Variants in CIB4 observed in about 807,000 individuals in gnomAD.
The protein encoded by CIB4 is calcium and integrin binding family member 4.
In CIB4, 25 loss-of-function variants were observed where a neutral mutation model predicts 25.8. The observed-to-expected ratio is 0.97, with a 90% CI of 0.71 to 1.35. The LOEUF (loss-of-function observed/expected upper bound fraction) is 1.35, where lower values mean the gene tolerates loss of function less well. Ranked by LOEUF, CIB4 falls within the 40% of genes most tolerant of loss-of-function variation. The probability of loss-of-function intolerance (pLI) is 0.00; values close to 1 mark genes in which losing one functional copy is unlikely to be tolerated. For synonymous variants in CIB4, 75 were observed against 81.4 expected (o/e 0.92, Z 0.42); for missense variants, 235 against 228.2 (o/e 1.03, Z -0.19).
At position 26,613,728 on chromosome 2, in the gene CIB4, T is replaced by G. The variant is rs550887999; in HGVS notation, c.186+15682A>C. ...CCAGGAGACTTTAGGGTTTGCATCC[T>G]GGAGTTGTATCCGGTGCCTGGCACA... On this transcript the variant is annotated intron_variant, in intron 3 of 6. Transcript: ENST00000288861. Among the ~76,000 whole-genome samples, 5 of 152,352 alleles carry G rather than the reference T, an allele frequency of 3.3e-5. No individual in the cohort carries two copies. In the East Asian group the frequency reaches 9.6e-4, roughly 29 times the overall value.
At position 26,635,046 on chromosome 2, in the gene CIB4, G is replaced by A. The variant is rs1041817269; in HGVS notation, c.89+5487C>T. 2.0e-5 allele frequency among the ~76,000 whole-genome samples: 3 copies of A among 152,286 alleles called. No homozygotes were observed. In the South Asian group the frequency reaches 6.2e-4, roughly 31 times the overall value. On this transcript the variant is annotated intron_variant, in intron 2 of 6. Coordinates refer to ENST00000288861, the MANE Select transcript of CIB4 (RefSeq NM_001029881.3). ...GTCTGCACGGTCTGCAGTCACCGCCGGAAGGGCCTGGGCCCAGAAGAGGCA... is the reference window on the plus strand; with the variant it reads ...GTCTGCACGGTCTGCAGTCACCGCCAGAAGGGCCTGGGCCCAGAAGAGGCA...
In CIB4 at chr2:26,629,466, A is replaced by C. The variant is rs758747627; in HGVS notation, c.130T>G (p.Tyr44Asp). 2 of 1,581,182 alleles carry C rather than the reference A, an allele frequency of 1.3e-6. No individual in the cohort carries two copies. The highest frequency in any genetic ancestry group is 4.6e-5 in the East Asian group (2 of 43,862). Reference sequence around the variant, plus strand: ...ATGGTGAGCGTTGCCTCCTTGTAGTACTTCCCAGGAGGGCAGAGCTTCAGG... The same window carrying C: ...ATGGTGAGCGTTGCCTCCTTGTAGTCCTTCCCAGGAGGGCAGAGCTTCAGG... ...TFLKLCPPGKYYKEATLTMDQ... is the reference protein window; with the variant it reads ...TFLKLCPPGKDYKEATLTMDQ... Residue 44 changes from tyrosine to aspartate, a missense_variant, in exon 3 of 7, where the codon TAC becomes GAC. Coordinates refer to ENST00000288861, the MANE Select transcript of CIB4 (RefSeq NM_001029881.3).
chr2:26,636,992 T>C (rs1335194395), intron 2 of CIB4, among the ~76,000 whole-genome samples: 3 of 152,178 alleles, frequency 2.0e-5, no homozygotes, highest in Non-Finnish European at 4.4e-5. Context: ...CTGGTGTCCC[T>C]TAGCTTTCGA....
intron 3 of CIB4, among the ~76,000 whole-genome samples, chr2:26,595,681 CA>C (rs1306817734): frequency 1.3e-5 from 2 of 152,228 alleles, no homozygotes; most frequent in African/African-American, 2.4e-5. Context: ...GCAGAAATAA[CA>C]AGAAGTCCTG....
At chr2:26,585,619 T>C (rs1668436654) in intron 4 of CIB4, among the ~76,000 whole-genome samples, 1 of 152,136 alleles carries the variant, frequency 6.6e-6, no homozygotes, top group Non-Finnish European at 1.5e-5. Flanking sequence ...TGCAGTTCAC[T>C]GCATTTAATC....
At chr2:26,635,722 AC>A (rs1669520042) in intron 2 of CIB4, among the ~76,000 whole-genome samples, 4 of 152,096 alleles carry the variant, frequency 2.6e-5, no homozygotes, top group African/African-American at 9.7e-5. Context: ...GCCCACACCA[AC>A]CCTAACATAT....
At chr2:26,628,102 A>C (rs753899634) in intron 3 of CIB4, among the ~76,000 whole-genome samples, 3 of 152,212 alleles carry the variant, frequency 2.0e-5, no homozygotes, top group Non-Finnish European at 4.4e-5. Flanking sequence ...AAAAATAGAG[A>C]AGCCTGACGT....
chr2:26,608,239 C>A (rs1197574864), intron 3 of CIB4, among the ~76,000 whole-genome samples: 28 of 123,576 alleles, frequency 2.3e-4, no homozygotes, highest in African/African-American at 6.3e-4. Context: ...GACTCTGTCT[C>A]AAAAAAAAAA....
intron 2 of CIB4, among the ~76,000 whole-genome samples, chr2:26,633,507 CT>C (rs1236689576): frequency 1.3e-5 from 2 of 152,160 alleles, no homozygotes; most frequent in African/African-American, 2.4e-5. Context: ...AGTCACCCCC[CT>C]GGAAAGTCCT....
chr2:26,627,650 G>A lies in CIB4; in HGVS notation c.186+1760C>T, dbSNP rs1339477592. On this transcript the variant is annotated intron_variant, in intron 3 of 6. Coordinates refer to ENST00000288861, the MANE Select transcript of CIB4 (RefSeq NM_001029881.3). This position sits in a 1 kb window ranked among gnomAD's most constrained non-coding sequence, Gnocchi z 4.0. ...GGAAGTGGGGGGTGCCAGGAAGACC[G>A]CCTCCCCATTTTGTTTCTGTCACAG... Among the ~76,000 whole-genome samples, 2 of 152,124 alleles carry A rather than the reference G, an allele frequency of 1.3e-5. No individual in the cohort carries two copies. The highest frequency in any genetic ancestry group is 3.2e-3 in the Middle Eastern group (1 of 316).
chr2:26,635,302 C>T (rs924617718), intron 2 of CIB4, among the ~76,000 whole-genome samples: 1 of 152,144 alleles, frequency 6.6e-6, no homozygotes, highest in African/African-American at 2.4e-5. Context: ...CATGAGGTCT[C>T]CCCCCACCAG....
At chr2:26,582,497 G>A (rs1296238088) in intron 6 of CIB4, among the ~76,000 whole-genome samples, 2 of 152,216 alleles carry the variant, frequency 1.3e-5, no homozygotes, top group African/African-American at 4.8e-5. Flanking sequence ...GTTGGCCGCT[G>A]GAGGCAGTGG....
intron 3 of CIB4, among the ~76,000 whole-genome samples, chr2:26,628,030 C>T (rs930465086): frequency 3.5e-4 from 53 of 152,116 alleles, no homozygotes; most frequent in African/African-American, 1.0e-3. Flanking sequence ...CAAACAGAAA[C>T]GAAGATGGGC....
intron 3 of CIB4, among the ~76,000 whole-genome samples, chr2:26,625,195 G>A (rs554455327): frequency 6.6e-5 from 10 of 152,256 alleles, no homozygotes; most frequent in African/African-American, 2.4e-4. Context: ...ACCGAAGGAT[G>A]CTAGAACACC....
chr2:26,584,926 G>C (rs1172386560), intron 4 of CIB4, among the ~76,000 whole-genome samples: 1 of 152,168 alleles, frequency 6.6e-6, no homozygotes, highest in Non-Finnish European at 1.5e-5. Context: ...CAGGGCCCCT[G>C]CCTTCCAGGA....
chr2:26,632,119 T>C (rs1669430925), intron 2 of CIB4, among the ~76,000 whole-genome samples: 1 of 152,214 alleles, frequency 6.6e-6, no homozygotes, highest in African/African-American at 2.4e-5. Context: ...CTGCCGGACC[T>C]CTCTGAGCAC....
intron 3 of CIB4, among the ~76,000 whole-genome samples, chr2:26,624,791 A>G (rs1227024684): frequency 1.3e-5 from 2 of 151,904 alleles, no homozygotes; most frequent in Non-Finnish European, 2.9e-5. Context: ...AAAAAAATAG[A>G]AAAAATGAAT....
intron 5 of CIB4, 72 bp from the exon 6 acceptor site, chr2:26,582,985 G>A: frequency 9.7e-7 from 1 of 1,031,996 alleles, no homozygotes; most frequent in Non-Finnish European, 1.5e-6. Flanking sequence ...CAGGGTGGAG[G>A]GGGAAAGCCA....
At chr2:26,611,097 T>C (rs914948429) in intron 3 of CIB4, among the ~76,000 whole-genome samples, 14 of 152,330 alleles carry the variant, frequency 9.2e-5, no homozygotes, top group Non-Finnish European at 1.3e-4. Context: ...GATGAACTGA[T>C]GACCTGTCAC....
Sources: gnomAD v4.1 joint callset for allele counts (sites outside exome capture counted in the v4.1 genomes callset) on GRCh38, gnomAD v4.1.1 for gene constraint, Gnocchi (gnomAD v3.1) non-coding constraint, MANE v1.5 for transcripts, NCBI Gene and HGNC (gene_info 2026-07-23, HGNC 2026-07-21) for gene names.